SMO: variants seen among roughly 807,000 people sequenced by gnomAD.
SMO encodes smoothened, frizzled class receptor.
Under a neutral mutation model 81.6 loss-of-function variants are expected in SMO, and 40 were observed. That is an observed-to-expected ratio of 0.49 (90% CI 0.38 to 0.64). The LOEUF is 0.64. Ranked by LOEUF, SMO falls within the 30% of genes least tolerant of loss-of-function variation. The pLI is 0.00. For missense variants in SMO, 916 were observed against 1,061.1 expected (o/e 0.86, Z 1.90); for synonymous variants, 434 against 432.1 (o/e 1.00, Z -0.05).
At chr7:129,192,483 G>A (rs1198372955) in intron 1 of SMO, among the ~76,000 whole-genome samples, 1 of 152,174 alleles carries the variant, frequency 6.6e-6, no homozygotes, top group Non-Finnish European at 1.5e-5. Flanking sequence ...ATTTTAGCTG[G>A]ATCTCTTTGG....
rs537679318 is a variant in SMO at position 129,213,215 on chromosome 7, C to T, written c.*764C>T. On this transcript the variant is annotated 3_prime_UTR_variant, in exon 12 of 12. Transcript: ENST00000249373. ...CCCATCTCCACAGGAGAGACTGGTT[C>T]AGCTCTAGGGCCTCAGTCTGGAGTG... 13 of 233,510 alleles carry T rather than the reference C, an allele frequency of 5.6e-5. No homozygotes were observed. The highest frequency in any genetic ancestry group is 2.2e-4 in the African/African-American group (10 of 45,366). The allele number at this position is 233,510 out of a possible 1,614,324, so 14.5% of individuals were successfully genotyped here.
Position 129,205,286 on chromosome 7 carries a change from C to T in SMO, c.621C>T (p.Tyr207=), listed in dbSNP as rs56318556. ...LVRTDNPKSW[Y]EDVEGCGIQC... ...GGACAGACAACCCCAAGAGCTGGTA[C>T]GAGGACGTGGAGGGCTGCGGCATCC... Residue 207 remains tyrosine (Y), a synonymous_variant, in exon 3 of 12, where the codon TAC becomes TAT. Coordinates refer to ENST00000249373, the MANE Select transcript of SMO (RefSeq NM_005631.5). The T allele has an allele frequency of 4.8e-4, 782 of 1,614,200 alleles. 4 individuals carry two copies. The African/African-American group carries it at 9.0e-3, about 19-fold the overall frequency.
intron 1 of SMO, among the ~76,000 whole-genome samples, chr7:129,194,314 G>A (rs1793535229): frequency 6.6e-6 from 1 of 152,138 alleles, no homozygotes; most frequent in Non-Finnish European, 1.5e-5. Context: ...TGCGCATGGT[G>A]CTTATGGTGC....
At chr7:129,197,016 C>A (rs374804173) in intron 1 of SMO, among the ~76,000 whole-genome samples, 1,471 of 113,084 alleles carry the variant, frequency 0.013, no homozygotes, top group Non-Finnish European at 0.014. Context: ...GACACCGTCT[C>A]AAAAAAAAAA....
chr7:129,210,346 A>G lies in SMO; in HGVS notation c.1467-17A>G, dbSNP rs1398223853. The G allele has an allele frequency of 1.2e-6, 2 of 1,606,966 alleles. No individual in the cohort carries two copies. The highest frequency in any genetic ancestry group is 1.7e-5 in the Admixed American group (1 of 59,986). On this transcript the variant is annotated splice_polypyrimidine_tract_variant and intron_variant, in intron 8 of 11. Coordinates refer to ENST00000249373, the MANE Select transcript of SMO (RefSeq NM_005631.5). The surrounding 1 kb of genome is among the most constrained non-coding windows in gnomAD (Gnocchi z 4.7). ...AAAGAAAGGAAAGCCTCACCTGTCT[A>G]CGTTCCCTCACTGTAGATGTCAGGC...
At chr7:129,205,012 G>GT (rs1554461680) in intron 2 of SMO, among the ~76,000 whole-genome samples, 191 bp from the exon 3 acceptor site, 1 of 48,488 alleles carries the variant, frequency 2.1e-5, no homozygotes, top group Non-Finnish European at 5.2e-5. Flanking sequence ...AAAAAAGAAA[G>GT]AAAAAAAGAA....
Position 129,189,294 on chromosome 7 carries a change from C to G in SMO, c.143C>G (p.Ala48Gly), listed in dbSNP as rs1016791682. 1.3e-5 allele frequency: 19 copies of G among 1,431,382 alleles called. No individual in the cohort carries two copies. The highest frequency in any genetic ancestry group is 1.7e-5 in the Non-Finnish European group (19 of 1,103,038). 88.7% of individuals were successfully genotyped at this position (1,431,382 alleles called of 1,614,324 possible). ...GPGPRSAGGS[A>G]RRSAAVTGPP... ...GGGCCTCGGAGCGCGGGCGGGAGCG[C>G]GAGGAGGAGCGCGGCGGTGACTGGC... The change falls in exon 1 of 12, where the codon GCG (alanine) becomes GGG (glycine). Residue 48 changes from alanine to glycine, a missense_variant. By Grantham distance (60) the Ala-to-Gly change is moderately conservative. Around this residue, in one of 4 missense-constraint regions of SMO, gnomAD observed 146 missense variants for 149.9 expected, o/e 0.97. Coordinates refer to ENST00000249373, the MANE Select transcript of SMO (RefSeq NM_005631.5). This position sits in a 1 kb window ranked among gnomAD's most constrained non-coding sequence, Gnocchi z 4.7.
Position 129,211,232 on chromosome 7 carries a change from G to C in SMO, c.1801+119G>C. 1 of 1,104,188 alleles carries C rather than the reference G, an allele frequency of 9.1e-7. No individual in the cohort carries two copies. The allele number at this position is 1,104,188 out of a possible 1,614,324, so 68.4% of individuals were successfully genotyped here. A position where few individuals can be genotyped will look rare whatever the true frequency, so the allele number is the denominator to read the frequency against. On this transcript the variant is annotated intron_variant, in intron 10 of 11. Transcript: ENST00000249373. This position sits in a 1 kb window ranked among gnomAD's most constrained non-coding sequence, Gnocchi z 4.6. ...GAAGACCGACTGTGAGGAGCAAGGC[G>C]CTCCCTCCATCGCTCACACACCCAT... is the stretch of plus-strand genomic sequence containing the variant.
intron 1 of SMO, among the ~76,000 whole-genome samples, chr7:129,194,956 A>G (rs557177466): frequency 9.2e-5 from 14 of 151,890 alleles, no homozygotes; most frequent in Non-Finnish European, 1.5e-4. Flanking sequence ...TAATTTTTGT[A>G]TTTTTTAGTA....
intron 1 of SMO, among the ~76,000 whole-genome samples, chr7:129,199,566 C>G (rs1044377550): frequency 2.0e-5 from 3 of 152,062 alleles, no homozygotes; most frequent in Non-Finnish European, 4.4e-5. Flanking sequence ...GAAACCTTGT[C>G]TCTACAGAAA....
rs749196262 is a variant in SMO, at chr7:129,212,106, G to T, written c.2019G>T (p.Lys673Asn). 3.8e-6 allele frequency: 6 copies of T among 1,570,250 alleles called. No individual in the cohort carries two copies. Among genetic ancestry groups the T allele is most frequent in the Non-Finnish European group, 5.2e-6 (6 of 1,159,756 alleles). ...TGCAGAAGCGCCTGGGCCGGAAGAA[G>T]AAGAGGAGGAAGAGGAAGAAGGAGG... ...PELQKRLGRK[K>N]KRRKRKKEVC... is the part of the protein sequence containing the mutation. The change falls in exon 12 of 12, where the codon AAG (lysine) becomes AAT (asparagine). Residue 673 changes from lysine (K) to asparagine (N), a missense_variant. Transcript: ENST00000249373. The surrounding 1 kb of genome is among the most constrained non-coding windows in gnomAD (Gnocchi z 5.0).
Position 129,211,136 on chromosome 7 carries a change from C to T in SMO, c.1801+23C>T, listed in dbSNP as rs56144682. On this transcript the variant is annotated intron_variant, in intron 10 of 11. Transcript: ENST00000249373. The surrounding 1 kb of genome is among the most constrained non-coding windows in gnomAD (Gnocchi z 4.6). ...TGGGTGAGCCTCACCCCTCCTCTAC[C>T]GGAGCCGCCTGGCCCCGCGCTGCCC... The T allele has an allele frequency of 2.2e-3, 3,547 of 1,588,998 alleles. 72 individuals are homozygous for T. In the African/African-American group the frequency reaches 0.041, roughly 18 times the overall value.
Position 129,208,291 on chromosome 7 carries a change from A to C in SMO, c.1265-468A>C, listed in dbSNP as rs1793807301. ...AACATGGTGAAACCCCATCTTTACA[A>C]AAATACAAAAATTAGCCGGCGTGAT... On this transcript the variant is annotated intron_variant, in intron 6 of 11. Transcript: ENST00000249373. This position sits in a 1 kb window ranked among gnomAD's most constrained non-coding sequence, Gnocchi z 5.2. Among the ~76,000 whole-genome samples the C allele has an allele frequency of 6.6e-6, 1 of 152,080 alleles. No individual in the cohort carries two copies. The highest frequency in any genetic ancestry group is 1.5e-5 in the Non-Finnish European group (1 of 68,040).
At chr7:129,201,445 G>A (rs971699172) in intron 1 of SMO, among the ~76,000 whole-genome samples, 2 of 152,164 alleles carry the variant, frequency 1.3e-5, no homozygotes, top group Admixed American at 1.3e-4. Context: ...TAAACATCCA[G>A]TAAAATTGAC....
intron 1 of SMO, among the ~76,000 whole-genome samples, chr7:129,195,822 C>T (rs1793563491): frequency 6.6e-6 from 1 of 151,894 alleles, no homozygotes; most frequent in African/African-American, 2.4e-5. Flanking sequence ...GTACTGTGGG[C>T]CAGGCGTGGT....
intron 1 of SMO, among the ~76,000 whole-genome samples, chr7:129,197,888 C>CT (rs1793611841): frequency 6.6e-6 from 1 of 152,122 alleles, no homozygotes; most frequent in African/African-American, 2.4e-5. Flanking sequence ...AATAAAAAGT[C>CT]TTTTTAAAAG....
rs772890532 is a variant in SMO at position 129,205,334 on chromosome 7, A to G, written c.669A>G (p.Thr223=). The G allele has an allele frequency of 2.5e-6, 4 of 1,614,118 alleles. No homozygotes were observed. The Admixed American group carries it at 6.7e-5, about 27-fold the overall frequency. ...TCCAGTGCCAGAACCCGCTCTTCAC[A>G]GAGGCTGAGCACCAGGACATGCACA... The part of the protein sequence containing the change: ...CGIQCQNPLF[T]EAEHQDMHSY... Residue 223 remains threonine, a synonymous_variant, in exon 3 of 12, where the codon ACA becomes ACG. Coordinates refer to ENST00000249373, the MANE Select transcript of SMO (RefSeq NM_005631.5).
intron 1 of SMO, among the ~76,000 whole-genome samples, chr7:129,193,485 G>A (rs940716372): frequency 6.6e-5 from 10 of 151,852 alleles, no homozygotes; most frequent in South Asian, 2.1e-4. Flanking sequence ...ATGGCCGGGC[G>A]CGGTGGCTCA....
At position 129,210,222 on chromosome 7, in the gene SMO, C is replaced by T. The variant is rs768854627; in HGVS notation, c.1467-141C>T. 1.8e-5 allele frequency: 12 copies of T among 658,244 alleles called. No homozygotes were observed. The highest frequency in any genetic ancestry group is 3.6e-5 in the African/African-American group (2 of 54,996). 40.8% of individuals were successfully genotyped at this position (658,244 alleles called of 1,614,324 possible). On this transcript the variant is annotated intron_variant, in intron 8 of 11. Transcript: ENST00000249373. The surrounding 1 kb of genome is among the most constrained non-coding windows in gnomAD (Gnocchi z 4.7). ...TTGGGAGGCTGAAGCAGGAGATTGC[C>T]TGAGCCCAGGAGTTGGAAGCTGCAG...
Sources: gnomAD v4.1 joint callset for allele counts (sites outside exome capture counted in the v4.1 genomes callset) on GRCh38, gnomAD v4.1.1 for gene constraint, gnomAD v4.1.1 regional missense constraint, Gnocchi (gnomAD v3.1) non-coding constraint, MANE v1.5 for transcripts, NCBI Gene and HGNC (gene_info 2026-07-23, HGNC 2026-07-21) for gene names.